Variants in EPHA4 observed in about 807,000 individuals in gnomAD.
EPHA4 encodes the protein EPH receptor A4.
Under a neutral mutation model 108.3 loss-of-function variants are expected in EPHA4, and 19 were observed. The ratio of observed to expected loss-of-function variants is 0.18; its 90% confidence interval spans 0.12 to 0.26. The LOEUF (loss-of-function observed/expected upper bound fraction) is 0.26, where lower values mean the gene tolerates loss of function less well. EPHA4 is among the 10% of genes least tolerant of loss of function. The pLI is 1.00. For missense variants in EPHA4, 917 were observed against 1,254.0 expected (o/e 0.73, Z 4.06); for synonymous variants, 449 against 455.5 (o/e 0.99, Z 0.18).
chr2:221,425,419 A>G lies in EPHA4; in HGVS notation c.*609T>C, dbSNP rs1689868636. On this transcript the variant is annotated 3_prime_UTR_variant, in exon 17 of 18. Transcript: ENST00000281821. ...TTGGGTTACGTATATATATATTTTA[A>G]ATCCACTTTCCCTTTCTTTCCAGGC... The G allele has an allele frequency of 6.5e-6, 1 of 152,828 alleles. No homozygotes were observed. Among genetic ancestry groups the G allele is most frequent in the Non-Finnish European group, 1.5e-5 (1 of 68,244 alleles). The allele number at this position is 152,828 out of a possible 1,614,324, so 9.5% of individuals were successfully genotyped here.
chr2:221,443,973 C>T (rs1690510984), intron 9 of EPHA4, among the ~76,000 whole-genome samples: 1 of 152,232 alleles, frequency 6.6e-6, no homozygotes, highest in Non-Finnish European at 1.5e-5. Context: ...CAGTTATCCT[C>T]CCTTAGGGAA....
At chr2:221,499,741 TA>T (rs1559267656) in intron 4 of EPHA4, among the ~76,000 whole-genome samples, 132 of 57,406 alleles carry the variant, frequency 2.3e-3, no homozygotes, top group Middle Eastern at 6.0e-3. Context: ...TATATATATA[TA>T]TATATATATA....
At chr2:221,462,207 A>G (rs777350804) in intron 5 of EPHA4, among the ~76,000 whole-genome samples, 2 of 152,110 alleles carry the variant, frequency 1.3e-5, no homozygotes, top group Non-Finnish European at 2.9e-5. Flanking sequence ...GGTTAAAGAA[A>G]GATGACTATG....
Position 221,419,153 on chromosome 2 carries a change from G to GA in EPHA4, c.*2218dup, listed in dbSNP as rs1689673240. 6.6e-6 allele frequency: 1 copy of GA among 152,592 alleles called. No individual in the cohort carries two copies. The highest frequency in any genetic ancestry group is 2.4e-5 in the African/African-American group (1 of 41,424). 9.5% of individuals were successfully genotyped at this position (152,592 alleles called of 1,614,324 possible). A position where few individuals can be genotyped will look rare whatever the true frequency, so the allele number is the denominator to read the frequency against. Reference sequence around the variant, plus strand: ...TAAGCAAGGCAGCCACTCAGATTATGAAAAATGGCAGTAAGTTGGCTGGAG... The same window carrying GA: ...TAAGCAAGGCAGCCACTCAGATTATGAAAAAATGGCAGTAAGTTGGCTGGAG... On this transcript the variant is annotated 3_prime_UTR_variant, in exon 18 of 18. Transcript: ENST00000281821.
intron 3 of EPHA4, among the ~76,000 whole-genome samples, chr2:221,531,729 C>T (rs908164593): frequency 2.9e-5 from 2 of 70,164 alleles, no homozygotes; most frequent in African/African-American, 1.0e-4. Flanking sequence ...CACATACATT[C>T]GGCCTAATTT....
chr2:221,433,777 C>T (rs780637580), intron 14 of EPHA4, among the ~76,000 whole-genome samples: 53 of 152,094 alleles, frequency 3.5e-4, no homozygotes, highest in African/African-American at 5.3e-4. Context: ...CTTTCATGTC[C>T]GTTTTATCAT....
At chr2:221,435,644 T>G (rs1690207869) in intron 13 of EPHA4, among the ~76,000 whole-genome samples, 1 of 152,172 alleles carries the variant, frequency 6.6e-6, no homozygotes, top group Non-Finnish European at 1.5e-5. Flanking sequence ...GTTTTATGAT[T>G]CTGTGTTTAT....
intron 3 of EPHA4, among the ~76,000 whole-genome samples, chr2:221,520,878 A>G (rs2106173893): frequency 6.6e-6 from 1 of 152,338 alleles, no homozygotes; most frequent in South Asian, 2.1e-4. Flanking sequence ...GAATTTTTAG[A>G]AAAAGTATAG....
chr2:221,567,010 A>AAGAAGAAGAAGAAGAAGAAG (rs199501239), intron 2 of EPHA4, among the ~76,000 whole-genome samples: 2 of 113,210 alleles, frequency 1.8e-5, no homozygotes, highest in Non-Finnish European at 4.0e-5. Context: ...GAAGAAGAAG[A>AAGAAGAAGAAGAAGAAGAAG]AAAAAATGTC....
At chr2:221,451,215 A>G (rs1690775670) in intron 8 of EPHA4, among the ~76,000 whole-genome samples, 1 of 152,194 alleles carries the variant, frequency 6.6e-6, no homozygotes, top group South Asian at 2.1e-4. Context: ...CTCTGTCTCA[A>G]TCAATCAATC....
At chr2:221,471,931 A>C (rs1471292852) in intron 5 of EPHA4, among the ~76,000 whole-genome samples, 1 of 152,142 alleles carries the variant, frequency 6.6e-6, no homozygotes, top group Non-Finnish European at 1.5e-5. Context: ...CTCCTACTGT[A>C]AATGGAGAGA....
chr2:221,540,107 A>G (rs1167258319), intron 3 of EPHA4, among the ~76,000 whole-genome samples: 1 of 152,040 alleles, frequency 6.6e-6, no homozygotes, highest in Non-Finnish European at 1.5e-5. Context: ...TTTACTAGAG[A>G]TGGAATTTCA....
rs2278322 is a variant in EPHA4, at chr2:221,434,420, C to T, written c.2347-129G>A. 2,665 of 945,846 alleles carry T rather than the reference C, an allele frequency of 2.8e-3. 67 individuals are homozygous for T. In the East Asian group the frequency reaches 0.057, roughly 20 times the overall value. 58.6% of individuals were successfully genotyped at this position (945,846 alleles called of 1,614,324 possible). A position where few individuals can be genotyped will look rare whatever the true frequency, so the allele number is the denominator to read the frequency against. On this transcript the variant is annotated intron_variant, in intron 13 of 17. Coordinates refer to ENST00000281821, the MANE Select transcript of EPHA4 (RefSeq NM_004438.5). ...TGAGATAGCTCTCAAAACAATAAGA[C>T]ACTTGTTCATTTTAACGCAAGTCTT...
intron 5 of EPHA4, among the ~76,000 whole-genome samples, chr2:221,461,091 T>G (rs1691122974): frequency 6.6e-6 from 1 of 152,212 alleles, no homozygotes; most frequent in Non-Finnish European, 1.5e-5. Context: ...AAATGGAGAT[T>G]AGCCAGTGCT....
intron 8 of EPHA4, among the ~76,000 whole-genome samples, chr2:221,448,085 G>A (rs546208800): frequency 2.6e-5 from 4 of 151,946 alleles, no homozygotes; most frequent in African/African-American, 4.8e-5. Context: ...CAAGTAATCC[G>A]CCCACATAGG....
chr2:221,426,364 T>G (rs1689910256), intron 16 of EPHA4, 100 bp downstream of exon 16: 5 of 1,402,962 alleles, frequency 3.6e-6, no homozygotes, highest in Non-Finnish European at 4.8e-6. Flanking sequence ...CATTCCAGAT[T>G]TTTTTTAAAT....
chr2:221,567,351 A>G (rs1478468558), intron 2 of EPHA4, among the ~76,000 whole-genome samples: 1 of 152,204 alleles, frequency 6.6e-6, no homozygotes, highest in African/African-American at 2.4e-5. Flanking sequence ...TTTCCAGGGT[A>G]TAGGATTAAC....
At chr2:221,480,885 A>G (rs1261436914) in intron 5 of EPHA4, among the ~76,000 whole-genome samples, 1 of 152,244 alleles carries the variant, frequency 6.6e-6, no homozygotes, top group Non-Finnish European at 1.5e-5. Flanking sequence ...TTTCACTTAT[A>G]GGATCAATTA....
Position 221,456,648 on chromosome 2 carries a change from T to G in EPHA4, c.1568A>C (p.Asp523Ala). The change falls in exon 7 of 18, where the codon GAC becomes GCC. Residue 523 changes from aspartate to alanine, a missense_variant. Asp to Ala is a moderately radical substitution (Grantham distance 126). Around this residue, in one of 3 missense-constraint regions of EPHA4, gnomAD observed 758 missense variants for 1,076.7 expected, o/e 0.70. Coordinates refer to ENST00000281821, the MANE Select transcript of EPHA4 (RefSeq NM_004438.5). ...TGTAACCTCCAAGGGCTCACTGAAG[T>G]CTCCATAGCCAGCTGCTGTCCTGGC... ...VRARTAAGYGDFSEPLEVTTN... is the reference protein window; with the variant it reads ...VRARTAAGYGAFSEPLEVTTN... The G allele has an allele frequency of 3.1e-6, 5 of 1,613,838 alleles. No homozygotes were observed. Among genetic ancestry groups the G allele is most frequent in the Non-Finnish European group, 4.2e-6 (5 of 1,179,848 alleles).
Sources: gnomAD v4.1 joint callset for allele counts (sites outside exome capture counted in the v4.1 genomes callset) on GRCh38, gnomAD v4.1.1 for gene constraint, gnomAD v4.1.1 regional missense constraint, MANE v1.5 for transcripts, NCBI Gene and HGNC (gene_info 2026-07-23, HGNC 2026-07-21) for gene names.